Variants in PPARGC1A observed in about 807,000 individuals in gnomAD.
PPARGC1A encodes PPARG coactivator 1 alpha, also known as peroxisome proliferator-activated receptor gamma coactivator 1-alpha.
In PPARGC1A, 25 loss-of-function variants were observed where a neutral mutation model predicts 88.7. That is an observed-to-expected ratio of 0.28 (90% CI 0.21 to 0.39). The LOEUF (loss-of-function observed/expected upper bound fraction) is 0.39. PPARGC1A is among the 10% of genes least tolerant of loss of function. PPARGC1A has a pLI of 1.00. For missense variants in PPARGC1A, 880 were observed against 968.7 expected, an observed-to-expected ratio of 0.91 and a Z score of 1.22; for synonymous variants, 363 against 355.6, an observed-to-expected ratio of 1.02 and a Z score of -0.24.
chr4:23,824,834 G>C (rs922896461), intron 5 of PPARGC1A, among the ~76,000 whole-genome samples: 1 of 152,026 alleles, frequency 6.6e-6, no homozygotes, highest in Non-Finnish European at 1.5e-5. Context: ...TACAGTACAC[G>C]GTTTGTTTAG....
chr4:23,922,707 T>C, the PPARGC1A span, among the ~76,000 whole-genome samples: 1 of 152,160 alleles, frequency 6.6e-6, no homozygotes, highest in African/African-American at 2.4e-5. Context: ...GCCCAACTCA[T>C]TTTCCATCTA....
At chr4:23,953,102 A>G in the PPARGC1A span, among the ~76,000 whole-genome samples, 1 of 152,100 alleles carries the variant, frequency 6.6e-6, no homozygotes. Flanking sequence ...AAAATAGTAA[A>G]TAAATAAATA....
chr4:24,235,656 T>C, the PPARGC1A span, among the ~76,000 whole-genome samples: 1 of 152,158 alleles, frequency 6.6e-6, no homozygotes, highest in Non-Finnish European at 1.5e-5. Flanking sequence ...ACAAAATGAA[T>C]TATCAACCTC....
chr4:24,069,775 G>T, the PPARGC1A span, among the ~76,000 whole-genome samples: 1 of 152,336 alleles, frequency 6.6e-6, no homozygotes, highest in South Asian at 2.1e-4. Context: ...GAATTTGTAT[G>T]TATCTTCATC....
At chr4:24,269,655 C>A in the PPARGC1A span, among the ~76,000 whole-genome samples, 9 of 77,988 alleles carry the variant, frequency 1.2e-4, no homozygotes, top group African/African-American at 4.1e-4. Flanking sequence ...CATCATCACA[C>A]TTTATTATCA....
chr4:24,051,031 C>CA, the PPARGC1A span, among the ~76,000 whole-genome samples: 1,631 of 150,904 alleles, frequency 0.011, 76 homozygotes, highest in Admixed American at 0.078. Flanking sequence ...ACTAAAAGTA[C>CA]AAAAAAAATA....
chr4:24,103,314 T>C, the PPARGC1A span, among the ~76,000 whole-genome samples: 1 of 152,048 alleles, frequency 6.6e-6, no homozygotes, highest in African/African-American at 2.4e-5. Context: ...CAAGGTGGTA[T>C]CCGCACCTGG....
At chr4:24,131,975 C>G in the PPARGC1A span, among the ~76,000 whole-genome samples, 1 of 152,142 alleles carries the variant, frequency 6.6e-6, no homozygotes, top group Non-Finnish European at 1.5e-5. Context: ...ATAATGAACC[C>G]ATATTTATGT....
the PPARGC1A span, among the ~76,000 whole-genome samples, chr4:24,301,983 C>G: frequency 6.6e-6 from 1 of 152,158 alleles, no homozygotes; most frequent in Non-Finnish European, 1.5e-5. Context: ...TAAGCATTCA[C>G]TTTGAAGCAA....
At chr4:23,945,431 G>C in the PPARGC1A span, among the ~76,000 whole-genome samples, 1 of 151,990 alleles carries the variant, frequency 6.6e-6, no homozygotes, top group African/African-American at 2.4e-5. Flanking sequence ...GAGAGACAAG[G>C]GAAAAAAACC....
chr4:24,440,929 G>A, the PPARGC1A span, among the ~76,000 whole-genome samples: 5,303 of 152,180 alleles, frequency 0.035, 300 homozygotes, highest in African/African-American at 0.12. Flanking sequence ...TGAAAACTCA[G>A]CACTCATCAC....
At position 23,862,790 on chromosome 4, in the gene PPARGC1A, G is replaced by A. The variant is rs145791956; in HGVS notation, c.234+21962C>T. ...AAAGCAAGAGAAAAATCTTTACTAT[G>A]TGGGGCAAAAGGGGATCCCTTAAAT... On this transcript the variant is annotated intron_variant, in intron 2 of 12. Transcript: ENST00000264867. 5.9e-4 allele frequency among the ~76,000 whole-genome samples: 90 copies of A among 152,266 alleles called. 2 individuals are homozygous for A. The East Asian group carries it at 0.016, about 28-fold the overall frequency.
At chr4:24,187,227 G>A in the PPARGC1A span, among the ~76,000 whole-genome samples, 1 of 152,164 alleles carries the variant, frequency 6.6e-6, no homozygotes, top group Admixed American at 6.5e-5. Context: ...TATTGAGCAC[G>A]CTCTGTGAGC....
intron 7 of PPARGC1A, among the ~76,000 whole-genome samples, chr4:23,820,003 CTGTT>C: frequency 6.6e-6 from 1 of 152,238 alleles, no homozygotes; most frequent in East Asian, 1.9e-4. Context: ...AATATTTATG[CTGTT>C]TGTCAGTACA....
chr4:23,852,052 A>G (rs1577512078), intron 2 of PPARGC1A, among the ~76,000 whole-genome samples: 1 of 152,300 alleles, frequency 6.6e-6, no homozygotes, highest in Non-Finnish European at 1.5e-5. Flanking sequence ...CCATCAATTC[A>G]GCACATTTTT....
chr4:24,435,414 C>T, the PPARGC1A span, among the ~76,000 whole-genome samples: 3 of 152,230 alleles, frequency 2.0e-5, no homozygotes, highest in Non-Finnish European at 2.9e-5. Flanking sequence ...GCTGTTTCCC[C>T]TGCATGGAAG....
the PPARGC1A span, among the ~76,000 whole-genome samples, chr4:24,112,714 T>C: frequency 6.6e-6 from 1 of 152,248 alleles, no homozygotes; most frequent in African/African-American, 2.4e-5. Context: ...GATGCATCAC[T>C]TGAAGTCATT....
chr4:23,984,051 G>A, the PPARGC1A span, among the ~76,000 whole-genome samples: 1 of 151,900 alleles, frequency 6.6e-6, no homozygotes, highest in African/African-American at 2.4e-5. Flanking sequence ...TTATGTATGT[G>A]TATTTTTCTT....
the PPARGC1A span, among the ~76,000 whole-genome samples, chr4:24,021,782 T>A: frequency 0.019 from 2,903 of 152,078 alleles, 53 homozygotes; most frequent in South Asian, 0.088. Flanking sequence ...TTCAGCACAG[T>A]GCCTGACAGT....
Sources: allele counts gnomAD v4.1 joint callset (sites outside exome capture counted in the v4.1 genomes callset), GRCh38; gene constraint gnomAD v4.1.1; transcripts MANE v1.5; gene names NCBI Gene and HGNC (gene_info 2026-07-23, HGNC 2026-07-21).